Variants in GALNT18 observed in about 807,000 individuals in gnomAD.
GALNT18 encodes polypeptide N-acetylgalactosaminyltransferase 18.
Under a neutral mutation model 69.5 loss-of-function variants are expected in GALNT18, and 44 were observed. The observed-to-expected ratio is 0.63, with a 90% CI of 0.50 to 0.81. The LOEUF (loss-of-function observed/expected upper bound fraction) is 0.81, where lower values mean the gene tolerates loss of function less well. Ranked by LOEUF, GALNT18 falls within the 40% of genes least tolerant of loss-of-function variation. The pLI, the probability that GALNT18 is intolerant of heterozygous loss-of-function variation, is 0.00. For synonymous variants in GALNT18, 364 were observed against 318.2 expected (o/e 1.14, Z -1.53); for missense variants, 715 against 810.0 (o/e 0.88, Z 1.42).
intron 6 of GALNT18, among the ~76,000 whole-genome samples, chr11:11,362,081 G>T (rs1401983706): frequency 6.6e-6 from 1 of 152,156 alleles, no homozygotes; most frequent in Non-Finnish European, 1.5e-5. Context: ...AGTGAGGAAA[G>T]ATATTATTTT....
At chr11:11,360,291 G>A (rs779214631) in intron 6 of GALNT18, among the ~76,000 whole-genome samples, 3 of 152,168 alleles carry the variant, frequency 2.0e-5, no homozygotes, top group Non-Finnish European at 4.4e-5. Context: ...CCTAACTTCC[G>A]CAGGTGGAGT....
At chr11:11,531,291 A>T (rs1396090391) in intron 1 of GALNT18, among the ~76,000 whole-genome samples, 1 of 152,196 alleles carries the variant, frequency 6.6e-6, no homozygotes, top group African/African-American at 2.4e-5. Context: ...GCACAGGGCT[A>T]GGAACCCTGC....
At chr11:11,599,720 A>G (rs1398962467) in intron 1 of GALNT18, among the ~76,000 whole-genome samples, 1 of 151,748 alleles carries the variant, frequency 6.6e-6, no homozygotes, top group Non-Finnish European at 1.5e-5. Flanking sequence ...TTTCTTGTAC[A>G]TTTTAATTTC....
At position 11,430,061 on chromosome 11, in the gene GALNT18, G is replaced by T. The variant is rs889587928; in HGVS notation, c.595+2560C>A. ...AGGCTAAGATGGGAGGATTGCTTGA[G>T]CCTGGGAGCCTGGGAGCTGTGATCG... On this transcript the variant is annotated intron_variant, in intron 3 of 10. Coordinates refer to ENST00000227756, the MANE Select transcript of GALNT18 (RefSeq NM_198516.3). The surrounding 1 kb of genome is among the most constrained non-coding windows in gnomAD (Gnocchi z 4.9). Among the ~76,000 whole-genome samples, 1 of 152,014 alleles carries T rather than the reference G, an allele frequency of 6.6e-6. No individual in the cohort carries two copies. The highest frequency in any genetic ancestry group is 1.5e-5 in the Non-Finnish European group (1 of 68,006).
intron 1 of GALNT18, among the ~76,000 whole-genome samples, chr11:11,464,877 G>C (rs999746772): frequency 6.6e-6 from 1 of 152,122 alleles, no homozygotes; most frequent in Admixed American, 6.5e-5. Flanking sequence ...GTTATTGTGA[G>C]GACTGAATAA....
chr11:11,438,573 A>T (rs181541730), intron 2 of GALNT18, among the ~76,000 whole-genome samples: 2 of 152,238 alleles, frequency 1.3e-5, no homozygotes, highest in African/African-American at 2.4e-5. Context: ...TAGAGTCGAG[A>T]TGGTAAGTTA....
In GALNT18 at chr11:11,461,202, T is replaced by C. The variant is rs1173551052; in HGVS notation, c.236-12266A>G. On this transcript the variant is annotated intron_variant, in intron 1 of 10. Coordinates refer to ENST00000227756, the MANE Select transcript of GALNT18 (RefSeq NM_198516.3). The surrounding 1 kb of genome is among the most constrained non-coding windows in gnomAD (Gnocchi z 4.1). ...CTCCTGACGGGCTGGCACTGCTGGG[T>C]CTTTCCTCCCCTGCAAGGGGGACTT... 1.3e-5 allele frequency among the ~76,000 whole-genome samples: 2 copies of C among 152,154 alleles called. No homozygotes were observed. Among genetic ancestry groups the C allele is most frequent in the Non-Finnish European group, 2.9e-5 (2 of 68,024 alleles).
At chr11:11,300,697 C>T (rs1407571753) in intron 9 of GALNT18, among the ~76,000 whole-genome samples, 1 of 152,164 alleles carries the variant, frequency 6.6e-6, no homozygotes, top group Non-Finnish European at 1.5e-5. Context: ...GGAGGAATAT[C>T]TGAGAGCAAA....
At chr11:11,327,432 C>T (rs929039131) in intron 8 of GALNT18, among the ~76,000 whole-genome samples, 5 of 152,366 alleles carry the variant, frequency 3.3e-5, no homozygotes, top group African/African-American at 1.2e-4. Flanking sequence ...AGGAGATGTG[C>T]ATGCGTGTGC....
chr11:11,288,571 C>A (rs1849238412), intron 10 of GALNT18, among the ~76,000 whole-genome samples: 1 of 152,190 alleles, frequency 6.6e-6, no homozygotes, highest in African/African-American at 2.4e-5. Context: ...TATCTGCATT[C>A]CTCCTGTCCA....
At chr11:11,549,326 T>C (rs1858136917) in intron 1 of GALNT18, among the ~76,000 whole-genome samples, 1 of 152,244 alleles carries the variant, frequency 6.6e-6, no homozygotes, top group African/African-American at 2.4e-5. Flanking sequence ...CACTTCTATC[T>C]TGCTTAAGCC....
At chr11:11,504,165 A>G (rs1453640049) in intron 1 of GALNT18, among the ~76,000 whole-genome samples, 1 of 152,196 alleles carries the variant, frequency 6.6e-6, no homozygotes, top group Non-Finnish European at 1.5e-5. Flanking sequence ...GCCTGCACAT[A>G]GTAAGTGCTC....
intron 1 of GALNT18, among the ~76,000 whole-genome samples, chr11:11,487,123 C>T (rs957019944): frequency 2.0e-5 from 3 of 152,220 alleles, no homozygotes; most frequent in South Asian, 4.1e-4. Context: ...ATCTTCCCCA[C>T]TCATCTCCCC....
chr11:11,568,613 G>A (rs1486845566), intron 1 of GALNT18, among the ~76,000 whole-genome samples: 1 of 152,078 alleles, frequency 6.6e-6, no homozygotes, highest in Admixed American at 6.5e-5. Flanking sequence ...AGAGCCAATG[G>A]AGACTCACTG....
At chr11:11,321,950 C>A (rs1849847585) in intron 9 of GALNT18, among the ~76,000 whole-genome samples, 1 of 152,132 alleles carries the variant, frequency 6.6e-6, no homozygotes, top group Non-Finnish European at 1.5e-5. Flanking sequence ...CAGATGGCAC[C>A]ATGGGGTCAA....
At chr11:11,434,993 T>C (rs79472710) in intron 2 of GALNT18, among the ~76,000 whole-genome samples, 55 of 152,296 alleles carry the variant, frequency 3.6e-4, no homozygotes, top group Admixed American at 1.1e-3. Flanking sequence ...CACTTGCTAA[T>C]TGCATTTAAA....
chr11:11,521,890 G>T (rs1301862336), intron 1 of GALNT18, among the ~76,000 whole-genome samples: 1 of 152,182 alleles, frequency 6.6e-6, no homozygotes, highest in Non-Finnish European at 1.5e-5. Flanking sequence ...CTGCAGTAAT[G>T]TTGGCCCTAC....
At chr11:11,351,272 C>T (rs1392409733) in intron 6 of GALNT18, among the ~76,000 whole-genome samples, 1 of 152,170 alleles carries the variant, frequency 6.6e-6, no homozygotes, top group Non-Finnish European at 1.5e-5. Flanking sequence ...GGTTCAAACT[C>T]AGAACCAGAG....
At chr11:11,608,201 G>C (rs1283211388) in intron 1 of GALNT18, among the ~76,000 whole-genome samples, 1 of 152,094 alleles carries the variant, frequency 6.6e-6, no homozygotes, top group Admixed American at 6.5e-5. Context: ...TGATATACTA[G>C]GTGTTACAAC....
Sources: allele counts gnomAD v4.1 joint callset (sites outside exome capture counted in the v4.1 genomes callset), GRCh38; gene constraint gnomAD v4.1.1; non-coding constraint Gnocchi (gnomAD v3.1); transcripts MANE v1.5; gene names NCBI Gene and HGNC (gene_info 2026-07-23, HGNC 2026-07-21).